The following SPTBN1 variants were observed in gnomAD, a reference collection of about 807,000 sequenced individuals.
SPTBN1 encodes spectrin beta, non-erythrocytic 1.
In SPTBN1, 32 loss-of-function variants were observed where a neutral mutation model predicts 266.4. The ratio of observed to expected loss-of-function variants is 0.12; its 90% CI spans 0.09 to 0.16. The LOEUF is 0.16. Ranked by LOEUF, SPTBN1 falls within the 10% of genes least tolerant of loss-of-function variation. SPTBN1 has a pLI of 1.00. For missense variants in SPTBN1, 2,296 were observed against 3,067.1 expected, an observed-to-expected ratio of 0.75 and a Z score of 5.94; for synonymous variants, 1,336 against 1,162.2, an observed-to-expected ratio of 1.15 and a Z score of -3.04.
intron 28 of SPTBN1, 39 bp downstream of exon 28, chr2:54,655,247 A>C (rs763783348): frequency 6.2e-7 from 1 of 1,604,678 alleles, no homozygotes; most frequent in Non-Finnish European, 8.5e-7. Context: ...AGCTGGCGTC[A>C]AGATGTAAAA....
intron 2 of SPTBN1, among the ~76,000 whole-genome samples, chr2:54,531,531 C>T (rs1203247069): frequency 3.9e-5 from 6 of 152,038 alleles, no homozygotes; most frequent in Non-Finnish European, 1.5e-5. Context: ...TCCAGTGATC[C>T]TCCTGCCTCA....
At position 54,646,041 on chromosome 2, in the gene SPTBN1, T is replaced by G; in HGVS notation, c.4584+24T>G. 3.7e-6 allele frequency: 6 copies of G among 1,614,008 alleles called. No individual in the cohort carries two copies. In the South Asian group the frequency reaches 6.6e-5, roughly 18 times the overall value. On this transcript the variant is annotated intron_variant, in intron 22 of 35. Transcript: ENST00000356805. The surrounding 1 kb of genome is among the most constrained non-coding windows in gnomAD (Gnocchi z 4.4). ...AGGTAAGCCTTTCTGCTCGAGCTAGTTCTGTCTGATAAATAATTGCTCTAA... is the reference window on the plus strand; with the variant it reads ...AGGTAAGCCTTTCTGCTCGAGCTAGGTCTGTCTGATAAATAATTGCTCTAA...
At chr2:54,667,367 T>C (rs1681433660) in intron 34 of SPTBN1, among the ~76,000 whole-genome samples, 1 of 152,044 alleles carries the variant, frequency 6.6e-6, no homozygotes, top group African/African-American at 2.4e-5. Context: ...AATCCTTCCA[T>C]TGGATTGAAG....
chr2:54,589,702 C>T (rs1198783881), intron 2 of SPTBN1, among the ~76,000 whole-genome samples: 2 of 152,198 alleles, frequency 1.3e-5, no homozygotes, highest in African/African-American at 4.8e-5. Flanking sequence ...GGACTTCAGT[C>T]AAAAGATTAG....
At chr2:54,518,642 A>G (rs143056413) in intron 1 of SPTBN1, among the ~76,000 whole-genome samples, 1 of 152,172 alleles carries the variant, frequency 6.6e-6, no homozygotes, top group Non-Finnish European at 1.5e-5. Flanking sequence ...TTTTATGAAT[A>G]AAGTGGGAGT....
At chr2:54,493,997 C>T (rs1226486584) in intron 1 of SPTBN1, among the ~76,000 whole-genome samples, 1 of 152,172 alleles carries the variant, frequency 6.6e-6, no homozygotes, top group Admixed American at 6.5e-5. Context: ...TGAAGATAAT[C>T]ACAGTGTCAT....
At chr2:54,521,693 T>C (rs1670451347) in intron 1 of SPTBN1, among the ~76,000 whole-genome samples, 1 of 151,806 alleles carries the variant, frequency 6.6e-6, no homozygotes, top group Non-Finnish European at 1.5e-5. Flanking sequence ...TTTATAGAGA[T>C]AGTGAAGAAG....
chr2:54,532,995 T>C (rs1182120749), intron 2 of SPTBN1, among the ~76,000 whole-genome samples: 1 of 152,176 alleles, frequency 6.6e-6, no homozygotes, highest in African/African-American at 2.4e-5. Flanking sequence ...ACTTTTACTT[T>C]TTCACTTAAA....
At chr2:54,502,313 T>C (rs781093959) in intron 1 of SPTBN1, among the ~76,000 whole-genome samples, 1 of 152,018 alleles carries the variant, frequency 6.6e-6, no homozygotes, top group Non-Finnish European at 1.5e-5. Context: ...ACGTAGCCTG[T>C]AGTGGGCAGC....
chr2:54,543,682 C>T lies in SPTBN1; in HGVS notation c.148+17116C>T, dbSNP rs1359660072. Among the ~76,000 whole-genome samples the T allele has an allele frequency of 2.6e-5, 4 of 152,176 alleles. No homozygotes were observed. In the South Asian group the frequency reaches 8.3e-4, roughly 32 times the overall value. On this transcript the variant is annotated intron_variant, in intron 2 of 35. Coordinates refer to ENST00000356805, the MANE Select transcript of SPTBN1 (RefSeq NM_003128.3). ...CTGTTTCGGATTTGCACTCAATGCA[C>T]ATTAAAATGATCCTGCATAATCCTA...
In SPTBN1 at chr2:54,649,516, C is replaced by A; in HGVS notation, c.5203-99C>A. 6.7e-7 allele frequency: 1 copy of A among 1,490,450 alleles called. No individual in the cohort carries two copies. Among genetic ancestry groups the A allele is most frequent in the Non-Finnish European group, 9.0e-7 (1 of 1,113,404 alleles). The allele number at this position is 1,490,450 out of a possible 1,614,324, so 92.3% of individuals were successfully genotyped here. On this transcript the variant is annotated intron_variant, in intron 25 of 35. Transcript: ENST00000356805. The surrounding 1 kb of genome is among the most constrained non-coding windows in gnomAD (Gnocchi z 6.7). ...AAGTCATGAGTATTATTGGCTACAT[C>A]TTGCTTAGAGGCAGTTTCTTTCCAA...
In SPTBN1 at chr2:54,621,528, T is replaced by C; in HGVS notation, c.876+16T>C. On this transcript the variant is annotated intron_variant, in intron 8 of 35. Transcript: ENST00000356805. ...AATTGGAAAGGTGAGCTGGTGCCAA[T>C]TTTGTGAGTTGTGAGACATAATTAA... 1 of 1,600,360 alleles carries C rather than the reference T, an allele frequency of 6.2e-7. No homozygotes were observed. Among genetic ancestry groups the C allele is most frequent in the South Asian group, 1.1e-5 (1 of 90,792 alleles).
intron 2 of SPTBN1, among the ~76,000 whole-genome samples, chr2:54,588,717 C>A (rs149665513): frequency 5.4e-4 from 82 of 152,286 alleles, no homozygotes; most frequent in Non-Finnish European, 1.0e-3. Context: ...AGTTCCCATC[C>A]TGTAGAGATG....
At chr2:54,654,759 A>G (rs56116715) in intron 27 of SPTBN1, among the ~76,000 whole-genome samples, 1,561 of 152,328 alleles carry the variant, frequency 0.01, 35 homozygotes, top group African/African-American at 0.035. Context: ...ATTTCAAAGT[A>G]AAAGTTTGAA....
intron 1 of SPTBN1, among the ~76,000 whole-genome samples, chr2:54,467,531 G>A (rs1006742540): frequency 1.2e-4 from 18 of 151,828 alleles, no homozygotes; most frequent in Admixed American, 4.6e-4. Context: ...AGTAGCTGGC[G>A]CCTGCCACCA....
At chr2:54,481,741 G>T (rs1169366645) in intron 1 of SPTBN1, among the ~76,000 whole-genome samples, 1 of 152,260 alleles carries the variant, frequency 6.6e-6, no homozygotes, top group South Asian at 2.1e-4. Context: ...ACTGTTAGGC[G>T]CAGAGAGTGT....
chr2:54,670,352 G>A lies in SPTBN1; in HGVS notation c.*1783G>A, dbSNP rs890616218. ...GTTGACTCCATGCCACTTGCATAAA[G>A]CAGCAATGGATATTAGTATTATGGA... On this transcript the variant is annotated 3_prime_UTR_variant, in exon 36 of 36. Coordinates refer to ENST00000356805, the MANE Select transcript of SPTBN1 (RefSeq NM_003128.3). 5.1e-6 allele frequency: 1 copy of A among 195,038 alleles called. No homozygotes were observed. The highest frequency in any genetic ancestry group is 1.0e-5 in the Non-Finnish European group (1 of 96,492). 12.1% of individuals were successfully genotyped at this position (195,038 alleles called of 1,614,324 possible). A position where few individuals can be genotyped will look rare whatever the true frequency, so the allele number is the denominator to read the frequency against.
chr2:54,514,374 G>C (rs1038630393), intron 1 of SPTBN1, among the ~76,000 whole-genome samples: 2 of 152,094 alleles, frequency 1.3e-5, no homozygotes, highest in Non-Finnish European at 2.9e-5. Flanking sequence ...CCTTCAAAGA[G>C]TATAGAGCCT....
chr2:54,655,014 A>G (rs1680554405), intron 27 of SPTBN1, 56 bp from the exon 28 acceptor site: 2 of 1,563,732 alleles, frequency 1.3e-6, no homozygotes, highest in South Asian at 1.2e-5. Flanking sequence ...TTTAAAACCT[A>G]CACATTTTTT....
Sources: gnomAD v4.1 joint callset for allele counts (sites outside exome capture counted in the v4.1 genomes callset) on GRCh38, gnomAD v4.1.1 for gene constraint, Gnocchi (gnomAD v3.1) non-coding constraint, MANE v1.5 for transcripts, NCBI Gene and HGNC (gene_info 2026-07-23, HGNC 2026-07-21) for gene names.